Variants in RNF216 observed in about 807,000 individuals in gnomAD.
RNF216 encodes ring finger protein 216, also known as E3 ubiquitin-protein ligase RNF216.
Under a neutral mutation model 110.8 loss-of-function variants are expected in RNF216, and 72 were observed. The ratio of observed to expected loss-of-function variants is 0.65; its 90% CI spans 0.54 to 0.79. The LOEUF is 0.79. Ranked by LOEUF, RNF216 falls within the 30% of genes least tolerant of loss-of-function variation. RNF216 has a pLI of 0.00. For missense variants in RNF216, 1,342 were observed against 1,141.2 expected (o/e 1.18, Z -2.54); for synonymous variants, 495 against 407.5 (o/e 1.21, Z -2.59).
At chr7:5,703,324 G>T (rs149808991) in intron 13 of RNF216, among the ~76,000 whole-genome samples, 46 of 152,360 alleles carry the variant, frequency 3.0e-4, no homozygotes, top group African/African-American at 1.1e-3. Context: ...GCCGTGCTCA[G>T]CACAGGAGTC....
intron 4 of RNF216, among the ~76,000 whole-genome samples, chr7:5,739,827 C>A (rs570424780): frequency 6.6e-5 from 10 of 151,958 alleles, no homozygotes; most frequent in African/African-American, 2.4e-4. Flanking sequence ...ATGGTGAAAC[C>A]CCGTCTCTAC....
chr7:5,647,036 A>G (rs1352773903), intron 14 of RNF216, among the ~76,000 whole-genome samples: 1 of 152,134 alleles, frequency 6.6e-6, no homozygotes, highest in East Asian at 1.9e-4. Context: ...TGCCTCAGGC[A>G]GCTGCAGCTG....
intron 2 of RNF216, among the ~76,000 whole-genome samples, chr7:5,754,028 A>G (rs569503181): frequency 2.0e-5 from 3 of 151,950 alleles, no homozygotes; most frequent in Non-Finnish European, 4.4e-5. Context: ...GTGACCTAAA[A>G]GAAGAGAAGA....
rs771228738 is a variant in RNF216, at chr7:5,741,105, T to C, written c.912A>G (p.Leu304=). The C allele has an allele frequency of 4.3e-6, 7 of 1,614,050 alleles. No homozygotes were observed. In the African/African-American group the frequency reaches 9.3e-5, roughly 22 times the overall value. The stretch of plus-strand genomic sequence containing the variant: ...GACCTGGCTCTTCATCATCACTTGC[T>C]AACTGCTGGTCTTCAAACTCTCCTA... ...HPLGEFEDQQ[L]ASDDEEPGPA... The change falls in exon 4 of 17, where the codon TTA becomes TTG. Residue 304 remains leucine, a synonymous_variant. Coordinates refer to ENST00000389902, the MANE Select transcript of RNF216 (RefSeq NM_207111.4).
In RNF216 at chr7:5,641,139, CATGTGTCT is replaced by C. The variant is rs747391214; in HGVS notation, c.2382+7_2382+14del. Reference sequence around the variant, plus strand: ...TTCTCCCTATAAAGCAATAGGCAGCCATGTGTCTACTTACAGTGGGATCGGTCCAGAGA... The same window carrying C: ...TTCTCCCTATAAAGCAATAGGCAGCCACTTACAGTGGGATCGGTCCAGAGA... On this transcript the variant is annotated splice_region_variant and intron_variant, in intron 15 of 16. Coordinates refer to ENST00000389902, the MANE Select transcript of RNF216 (RefSeq NM_207111.4). The C allele has an allele frequency of 1.3e-6, 2 of 1,568,470 alleles. No homozygotes were observed. The highest frequency in any genetic ancestry group is 1.8e-6 in the Non-Finnish European group (2 of 1,140,002).
At chr7:5,779,768 G>A (rs1562488657) in intron 1 of RNF216, among the ~76,000 whole-genome samples, 2 of 149,438 alleles carry the variant, frequency 1.3e-5, no homozygotes, top group Non-Finnish European at 3.0e-5. Flanking sequence ...GGCGGAGGGT[G>A]CAGTGGGCAG....
At chr7:5,773,201 A>T (rs576653131) in intron 1 of RNF216, among the ~76,000 whole-genome samples, 4 of 152,266 alleles carry the variant, frequency 2.6e-5, no homozygotes, top group Non-Finnish European at 4.4e-5. Flanking sequence ...TCTGGTATCA[A>T]ATTTGAACTG....
intron 13 of RNF216, among the ~76,000 whole-genome samples, chr7:5,668,708 C>G (rs1242961650): frequency 6.6e-6 from 1 of 152,154 alleles, no homozygotes. Flanking sequence ...GGCTCAGAAG[C>G]AGGGCCAGAG....
At chr7:5,655,069 T>C (rs934173917) in intron 13 of RNF216, among the ~76,000 whole-genome samples, 1 of 152,226 alleles carries the variant, frequency 6.6e-6, no homozygotes, top group Non-Finnish European at 1.5e-5. Flanking sequence ...AGATACTTTT[T>C]AGCATTCCTG....
intron 14 of RNF216, among the ~76,000 whole-genome samples, chr7:5,650,540 C>T (rs1050994394): frequency 2.0e-5 from 3 of 152,024 alleles, no homozygotes; most frequent in African/African-American, 4.8e-5. Flanking sequence ...GGGTTGTCTG[C>T]AGAATTCAGT....
At position 5,620,342 on chromosome 7, in the gene RNF216, CAG is replaced by C. The variant is rs1477247340; in HGVS notation, c.*2516_*2517del. 2.6e-5 allele frequency: 4 copies of C among 152,224 alleles called. No homozygotes were observed. Among genetic ancestry groups the C allele is most frequent in the South Asian group, 2.1e-4 (1 of 4,828 alleles). The allele number at this position is 152,224 out of a possible 1,614,324, so 9.4% of individuals were successfully genotyped here. A position where few individuals can be genotyped will look rare whatever the true frequency, so the allele number is the denominator to read the frequency against. On this transcript the variant is annotated 3_prime_UTR_variant, in exon 17 of 17. Transcript: ENST00000389902. ...ACGCCCTGCGGCAAGCCCTGCAGGG[CAG>C]AGAGAGGGAGCCAGCTGCCTCAGGG...
At chr7:5,753,644 C>G (rs1795447862) in intron 2 of RNF216, among the ~76,000 whole-genome samples, 1 of 152,110 alleles carries the variant, frequency 6.6e-6, no homozygotes, top group Non-Finnish European at 1.5e-5. Context: ...GTAACACAAA[C>G]TGGTATTTTT....
At chr7:5,629,692 T>C (rs1203941217) in intron 15 of RNF216, among the ~76,000 whole-genome samples, 1 of 151,732 alleles carries the variant, frequency 6.6e-6, no homozygotes, top group Non-Finnish European at 1.5e-5. Context: ...CTAGGTGCAG[T>C]GGCAGGCGTC....
chr7:5,708,389 A>AT (rs1463961537), intron 13 of RNF216, among the ~76,000 whole-genome samples: 1 of 152,160 alleles, frequency 6.6e-6, no homozygotes, highest in Non-Finnish European at 1.5e-5. Flanking sequence ...TTTGCTTCAC[A>AT]TATTTGGGTG....
At chr7:5,760,862 T>C in intron 2 of RNF216, 141 bp downstream of exon 2, 1 of 666,180 alleles carries the variant, frequency 1.5e-6, no homozygotes. Context: ...GATATAATTC[T>C]AGTCTAACTA....
chr7:5,642,561 G>A (rs780111278), intron 14 of RNF216, among the ~76,000 whole-genome samples: 12 of 151,512 alleles, frequency 7.9e-5, no homozygotes, highest in Non-Finnish European at 1.2e-4. Flanking sequence ...GGGTTCAAAC[G>A]GTTCACATGT....
At chr7:5,713,236 G>A (rs1488949185) in intron 11 of RNF216, 2 of 161,594 alleles carry the variant, frequency 1.2e-5, no homozygotes, top group Non-Finnish European at 2.7e-5. Flanking sequence ...GAGCTGAGTG[G>A]TGGGGAGGGG....
intron 10 of RNF216, among the ~76,000 whole-genome samples, chr7:5,715,837 G>A (rs1476657743): frequency 6.7e-6 from 1 of 148,962 alleles, no homozygotes; most frequent in Admixed American, 6.7e-5. Flanking sequence ...CACCTCCCAG[G>A]TTCAAGCGAT....
At chr7:5,722,080 C>T (rs1250037597) in intron 8 of RNF216, among the ~76,000 whole-genome samples, 1 of 152,176 alleles carries the variant, frequency 6.6e-6, no homozygotes, top group Non-Finnish European at 1.5e-5. Flanking sequence ...GATGCCACCA[C>T]ACCCAGCTAA....
Sources: allele counts gnomAD v4.1 joint callset (sites outside exome capture counted in the v4.1 genomes callset), GRCh38; gene constraint gnomAD v4.1.1; transcripts MANE v1.5; gene names NCBI Gene and HGNC (gene_info 2026-07-23, HGNC 2026-07-21).